Variants in LPP observed in about 807,000 individuals in gnomAD.
LPP encodes the protein lipoma-preferred partner.
LPP carries 38 observed loss-of-function variants against 60.4 expected under a neutral mutation model. The observed-to-expected ratio is 0.63, with a 90% CI of 0.49 to 0.83. The LOEUF (loss-of-function observed/expected upper bound fraction) is 0.83, where lower values mean the gene tolerates loss of function less well. Among genes scored for constraint, LPP ranks in the 40% least tolerant of loss-of-function variants. The pLI is 0.00. For synonymous variants in LPP, 328 were observed against 290.8 expected, an observed-to-expected ratio of 1.13 and a Z score of -1.30; for missense variants, 902 against 783.6, an observed-to-expected ratio of 1.15 and a Z score of -1.80.
chr3:188,354,391 G>T (rs149560603), intron 3 of LPP, among the ~76,000 whole-genome samples: 1 of 152,076 alleles, frequency 6.6e-6, no homozygotes, highest in Non-Finnish European at 1.5e-5. Context: ...AGTTGAATAC[G>T]TAAGACAGAG....
intron 5 of LPP, among the ~76,000 whole-genome samples, chr3:188,505,802 A>G (rs1470809873): frequency 1.3e-5 from 2 of 152,194 alleles, no homozygotes; most frequent in Non-Finnish European, 2.9e-5. Flanking sequence ...CCTTCATTCT[A>G]TCTTTTTCAC....
chr3:188,772,013 T>G (rs1736197392), intron 9 of LPP, among the ~76,000 whole-genome samples: 1 of 152,238 alleles, frequency 6.6e-6, no homozygotes, highest in Non-Finnish European at 1.5e-5. Context: ...AGACAGGAAC[T>G]TTGCATCTTT....
intron 9 of LPP, among the ~76,000 whole-genome samples, chr3:188,810,852 A>G (rs2151306052): frequency 6.6e-6 from 1 of 152,254 alleles, no homozygotes; most frequent in South Asian, 2.1e-4. Context: ...TACAGAAGCC[A>G]TAATTATTTT....
At chr3:188,787,224 A>G in intron 9 of LPP, among the ~76,000 whole-genome samples, 1 of 152,160 alleles carries the variant, frequency 6.6e-6, no homozygotes, top group African/African-American at 2.4e-5. Context: ...GGGAAACTGG[A>G]TAAAGGGTAC....
chr3:188,514,164 A>T lies in LPP; in HGVS notation c.307-10501A>T, dbSNP rs925865857. Among the ~76,000 whole-genome samples the T allele has an allele frequency of 1.4e-4, 21 of 152,234 alleles. No individual in the cohort carries two copies. The South Asian group carries it at 3.7e-3, about 27-fold the overall frequency. Reference sequence around the variant, plus strand: ...TAAGGATGGATCTGAATGAGATCTGATATCAGGAAGCTCAGGGTCAGGGCA... The same window carrying T: ...TAAGGATGGATCTGAATGAGATCTGTTATCAGGAAGCTCAGGGTCAGGGCA... On this transcript the variant is annotated intron_variant, in intron 5 of 11. Coordinates refer to ENST00000617246, the MANE Select transcript of LPP (RefSeq NM_001375462.1).
At chr3:188,820,163 G>C (rs181277203) in intron 9 of LPP, among the ~76,000 whole-genome samples, 1 of 152,274 alleles carries the variant, frequency 6.6e-6, no homozygotes, top group African/African-American at 2.4e-5. Context: ...ATTAACTGCT[G>C]TTAGCAATAA....
At chr3:188,178,060 G>A (rs1365631171) in intron 1 of LPP, among the ~76,000 whole-genome samples, 2 of 152,228 alleles carry the variant, frequency 1.3e-5, no homozygotes, top group African/African-American at 4.8e-5. Context: ...TCAGTTTACA[G>A]GTGTGAGAAG....
At chr3:188,377,157 C>G (rs1775376140) in intron 3 of LPP, among the ~76,000 whole-genome samples, 1 of 152,156 alleles carries the variant, frequency 6.6e-6, no homozygotes, top group Non-Finnish European at 1.5e-5. Flanking sequence ...TTCATTTCAA[C>G]TTTGGTGAAT....
Position 188,883,219 on chromosome 3 carries a change from G to A in LPP, c.*8740G>A, listed in dbSNP as rs1770258259. 4.6e-6 allele frequency: 1 copy of A among 216,534 alleles called. No individual in the cohort carries two copies. Among genetic ancestry groups the A allele is most frequent in the South Asian group, 1.9e-4 (1 of 5,374 alleles). The allele number at this position is 216,534 out of a possible 1,614,324, so 13.4% of individuals were successfully genotyped here. On this transcript the variant is annotated 3_prime_UTR_variant, in exon 12 of 12. Transcript: ENST00000617246. ...ATATATTTGTTTTGTTTTGGGCATT[G>A]CATTACTTTTTTGAATTTTTAAGAA...
At chr3:188,697,459 C>A (rs1863495534) in intron 7 of LPP, among the ~76,000 whole-genome samples, 2 of 152,182 alleles carry the variant, frequency 1.3e-5, no homozygotes, top group Non-Finnish European at 2.9e-5. Context: ...ATCTGTCAAG[C>A]CCACTAGACA....
At chr3:188,664,432 A>G (rs1404056869) in intron 7 of LPP, among the ~76,000 whole-genome samples, 1 of 152,220 alleles carries the variant, frequency 6.6e-6, no homozygotes, top group Non-Finnish European at 1.5e-5. Flanking sequence ...TTTGACTACC[A>G]AAAGACTTCT....
intron 9 of LPP, among the ~76,000 whole-genome samples, chr3:188,861,476 TACTTA>T (rs1765180357): frequency 1.3e-5 from 2 of 152,190 alleles, no homozygotes; most frequent in African/African-American, 4.8e-5. Flanking sequence ...AATCTTCAAT[TACTTA>T]TGTAAATGAA....
At chr3:188,635,732 G>A (rs1009676279) in intron 7 of LPP, among the ~76,000 whole-genome samples, 7 of 152,136 alleles carry the variant, frequency 4.6e-5, no homozygotes, top group African/African-American at 1.4e-4. Flanking sequence ...TTCTTTAGTC[G>A]AGTTTAAATG....
intron 2 of LPP, among the ~76,000 whole-genome samples, chr3:188,248,256 G>A (rs981401113): frequency 2.6e-5 from 4 of 151,906 alleles, no homozygotes; most frequent in Non-Finnish European, 5.9e-5. Flanking sequence ...CGAAGGGAGC[G>A]AAAGGGTTAG....
chr3:188,883,936 T>C lies in LPP; in HGVS notation c.*9457T>C, dbSNP rs1770362619. The C allele has an allele frequency of 9.3e-6, 2 of 215,758 alleles. No homozygotes were observed. Among genetic ancestry groups the C allele is most frequent in the South Asian group, 3.7e-4 (2 of 5,350 alleles). The allele number at this position is 215,758 out of a possible 1,614,324, so 13.4% of individuals were successfully genotyped here. A position where few individuals can be genotyped will look rare whatever the true frequency, so the allele number is the denominator to read the frequency against. On this transcript the variant is annotated 3_prime_UTR_variant, in exon 12 of 12. Transcript: ENST00000617246. ...CTATGGAAATGTACAAATGCTTTCC[T>C]CATTGCTCTGGATGACTATTTAGTT... is the stretch of plus-strand genomic sequence containing the variant.
chr3:188,285,988 C>T (rs765694917), intron 2 of LPP, among the ~76,000 whole-genome samples: 32 of 152,040 alleles, frequency 2.1e-4, no homozygotes, highest in Admixed American at 3.9e-4. Flanking sequence ...CTTTTTTCTC[C>T]CTTCTTCTGG....
At chr3:188,426,032 A>C (rs1460254756) in intron 4 of LPP, among the ~76,000 whole-genome samples, 1 of 151,912 alleles carries the variant, frequency 6.6e-6, no homozygotes, top group Non-Finnish European at 1.5e-5. Flanking sequence ...TAGTTCTTTT[A>C]ATTGCAACGT....
At chr3:188,603,350 G>T (rs904213833) in intron 6 of LPP, among the ~76,000 whole-genome samples, 15 of 148,116 alleles carry the variant, frequency 1.0e-4, no homozygotes, top group Middle Eastern at 3.5e-3. Context: ...GAATTTTGTG[G>T]TTTTTTTTTT....
At chr3:188,824,750 C>T (rs775953569) in intron 9 of LPP, among the ~76,000 whole-genome samples, 4 of 152,260 alleles carry the variant, frequency 2.6e-5, no homozygotes, top group East Asian at 1.9e-4. Context: ...TTCTGAGTGC[C>T]GTCAGAATCG....
Sources: allele counts gnomAD v4.1 joint callset (sites outside exome capture counted in the v4.1 genomes callset), GRCh38; gene constraint gnomAD v4.1.1; transcripts MANE v1.5; gene names NCBI Gene and HGNC (gene_info 2026-07-23, HGNC 2026-07-21).